L3MBTL3: variants seen among roughly 807,000 people sequenced by gnomAD.
L3MBTL3 encodes lethal(3)malignant brain tumor-like protein 3.
L3MBTL3 carries 27 observed loss-of-function variants against 102.3 expected under a neutral mutation model. The ratio of observed to expected loss-of-function variants is 0.26; its 90% confidence interval spans 0.19 to 0.36. The LOEUF is 0.36. Ranked by LOEUF, L3MBTL3 falls within the 10% of genes least tolerant of loss-of-function variation. The pLI is 1.00. For synonymous variants in L3MBTL3, 340 were observed against 320.9 expected (o/e 1.06, Z -0.64); for missense variants, 798 against 955.3 (o/e 0.84, Z 2.17).
At chr6:130,058,606 C>A (rs1392604686) in intron 9 of L3MBTL3, among the ~76,000 whole-genome samples, 1 of 152,108 alleles carries the variant, frequency 6.6e-6, no homozygotes, top group African/African-American at 2.4e-5. Context: ...AAAACACATA[C>A]AAAAACAAGG....
At chr6:130,049,626 GAAATTAAGT>G (rs1780963278) in intron 4 of L3MBTL3, 121 bp from the exon 5 acceptor site, 5 of 1,050,672 alleles carry the variant, frequency 4.8e-6, no homozygotes, top group Admixed American at 4.0e-5. Context: ...AGGTTAGTTG[GAAATTAAGT>G]AAATCCATGT....
Position 130,040,479 on chromosome 6 carries a change from T to C in L3MBTL3, c.-15-2206T>C, listed in dbSNP as rs76664358. Among the ~76,000 whole-genome samples the C allele has an allele frequency of 8.3e-3, 1,264 of 152,282 alleles. 11 individuals carry two copies. Among genetic ancestry groups the C allele is most frequent in the African/African-American group, 0.029 (1,198 of 41,542 alleles). Reference sequence around the variant, plus strand: ...ATCTCCCAAGTGTTGACATATTTCATTATGAAATATTTTAAACATCACATC... The same window carrying C: ...ATCTCCCAAGTGTTGACATATTTCACTATGAAATATTTTAAACATCACATC... On this transcript the variant is annotated intron_variant, in intron 2 of 22. Transcript: ENST00000361794.
intron 2 of L3MBTL3, among the ~76,000 whole-genome samples, chr6:130,033,209 C>T (rs913122612): frequency 2.6e-5 from 4 of 151,960 alleles, no homozygotes; most frequent in South Asian, 2.1e-4. Context: ...CTGGGTGAGT[C>T]GGGTGGGGAG....
At chr6:130,026,375 AGG>A (rs1301666778) in intron 2 of L3MBTL3, among the ~76,000 whole-genome samples, 1 of 152,088 alleles carries the variant, frequency 6.6e-6, no homozygotes, top group Non-Finnish European at 1.5e-5. Flanking sequence ...GCAGTTTGAA[AGG>A]GGTGGAATCA....
chr6:130,094,776 ATCACAAAATGCACAATATAAATAG>A (rs1784262182), intron 18 of L3MBTL3, among the ~76,000 whole-genome samples: 1 of 152,218 alleles, frequency 6.6e-6, no homozygotes, highest in Non-Finnish European at 1.5e-5. Flanking sequence ...AACAGCAAAG[ATCACAAAATGCACAATATAAATAG>A]TCAAACATGA....
chr6:130,116,874 T>A (rs1785721590), intron 19 of L3MBTL3, among the ~76,000 whole-genome samples: 3 of 152,072 alleles, frequency 2.0e-5, no homozygotes, highest in Non-Finnish European at 4.4e-5. Context: ...TTGACAATAA[T>A]TGTGGTATTA....
At chr6:130,116,933 T>C (rs1785729459) in intron 19 of L3MBTL3, among the ~76,000 whole-genome samples, 1 of 150,454 alleles carries the variant, frequency 6.6e-6, no homozygotes, top group Admixed American at 6.6e-5. Context: ...TTTTTTTATT[T>C]TTTTTTCCTC....
chr6:130,087,725 A>G (rs927645326), intron 16 of L3MBTL3, among the ~76,000 whole-genome samples: 2 of 152,194 alleles, frequency 1.3e-5, no homozygotes, highest in African/African-American at 4.8e-5. Flanking sequence ...ACAGTAGCTG[A>G]TGGGTAAAAT....
intron 7 of L3MBTL3, among the ~76,000 whole-genome samples, chr6:130,053,549 G>A (rs1209927343): frequency 6.6e-6 from 1 of 151,778 alleles, no homozygotes; most frequent in Non-Finnish European, 1.5e-5. Flanking sequence ...GCAGGAGAAT[G>A]GCGTGAACCT....
chr6:130,061,458 C>T (rs1377940421), intron 10 of L3MBTL3, among the ~76,000 whole-genome samples: 1 of 152,092 alleles, frequency 6.6e-6, no homozygotes, highest in African/African-American at 2.4e-5. Flanking sequence ...AGATGAGAAA[C>T]CTGAGGGCAT....
At chr6:130,102,192 C>T (rs1206041263) in intron 18 of L3MBTL3, among the ~76,000 whole-genome samples, 1 of 152,140 alleles carries the variant, frequency 6.6e-6, no homozygotes, top group Non-Finnish European at 1.5e-5. Context: ...TGCTTCCCAT[C>T]TCCCATCCAT....
Position 130,071,017 on chromosome 6 carries a change from G to A in L3MBTL3, c.1134G>A (p.Glu378=), listed in dbSNP as rs1423196918. Residue 378 remains glutamate (E), a synonymous_variant, in exon 13 of 23, where the codon GAG becomes GAA. Transcript: ENST00000361794. ...GCTTTCGAGTTGGTATGAAGCTTGA[G>A]GCAGTAGACAAAAAGAATCCCTCAT... ...PSGFRVGMKL[E]AVDKKNPSFI... 6.2e-7 allele frequency: 1 copy of A among 1,613,222 alleles called. No homozygotes were observed. The highest frequency in any genetic ancestry group is 8.5e-7 in the Non-Finnish European group (1 of 1,179,562).
intron 18 of L3MBTL3, among the ~76,000 whole-genome samples, chr6:130,098,055 G>A (rs1257478447): frequency 2.0e-5 from 3 of 151,532 alleles, no homozygotes; most frequent in Non-Finnish European, 4.4e-5. Flanking sequence ...CAACAAGAGC[G>A]AAACTCCATC....
At position 130,054,761 on chromosome 6, in the gene L3MBTL3, A is replaced by G. The variant is rs147729029; in HGVS notation, c.583-410A>G. 7.6e-3 allele frequency among the ~76,000 whole-genome samples: 1,158 copies of G among 152,302 alleles called. 4 individuals carry two copies. The highest frequency in any genetic ancestry group is 0.012 in the Non-Finnish European group (817 of 68,030). On this transcript the variant is annotated intron_variant, in intron 7 of 22. Transcript: ENST00000361794. ...GAAGCTGAGGGTGTGGATTGGGAGT[A>G]TCTGGCCTATGTAAGATGACCTTGA...
intron 9 of L3MBTL3, among the ~76,000 whole-genome samples, chr6:130,058,149 CAAAAAAAAAAAAAAA>C (rs61250078): frequency 0.013 from 1,184 of 89,174 alleles, 84 homozygotes; most frequent in Admixed American, 0.11. Context: ...GACTCCGTCT[CAAAAAAAAAAAAAAA>C]AAAAAAAAAA....
At chr6:130,069,340 G>A (rs1782476195) in intron 12 of L3MBTL3, among the ~76,000 whole-genome samples, 1 of 152,168 alleles carries the variant, frequency 6.6e-6, no homozygotes, top group South Asian at 2.1e-4. Flanking sequence ...TCAAGAGCAG[G>A]AGAAACCTCC....
intron 14 of L3MBTL3, among the ~76,000 whole-genome samples, chr6:130,080,516 A>G (rs936494677): frequency 6.6e-6 from 1 of 152,180 alleles, no homozygotes; most frequent in Admixed American, 6.5e-5. Flanking sequence ...AGATCTGATT[A>G]ATTAACAATG....
intron 16 of L3MBTL3, among the ~76,000 whole-genome samples, chr6:130,092,007 G>A (rs2115223711): frequency 6.6e-6 from 1 of 152,064 alleles, no homozygotes; most frequent in Admixed American, 6.6e-5. Flanking sequence ...AGTAGAATTG[G>A]AATATTCATA....
chr6:130,023,097 T>C (rs1420845906), intron 2 of L3MBTL3, among the ~76,000 whole-genome samples: 1 of 152,190 alleles, frequency 6.6e-6, no homozygotes, highest in Admixed American at 6.5e-5. Flanking sequence ...TCTCCTTTTC[T>C]GCCTGTTTTC....
Sources: allele counts gnomAD v4.1 joint callset (sites outside exome capture counted in the v4.1 genomes callset), GRCh38; gene constraint gnomAD v4.1.1; transcripts MANE v1.5; gene names NCBI Gene and HGNC (gene_info 2026-07-23, HGNC 2026-07-21).